The following KRT12 variants were observed in gnomAD, a reference collection of about 807,000 sequenced individuals.
The protein encoded by KRT12 is keratin 12.
A neutral mutation model predicts 50.2 loss-of-function variants in KRT12; 43 were observed. The ratio of observed to expected loss-of-function variants is 0.86; its 90% confidence interval spans 0.67 to 1.11. KRT12 has a LOEUF of 1.11. KRT12 is among the 50% of genes least tolerant of loss of function. The pLI, the probability that KRT12 is intolerant of heterozygous loss-of-function variation, is 0.00. For missense variants in KRT12, 588 were observed against 625.6 expected (o/e 0.94, Z 0.64); for synonymous variants, 257 against 253.6 (o/e 1.01, Z -0.13).
In KRT12 at chr17:40,863,113, G is replaced by T; in HGVS notation, c.1316+10C>A. On this transcript the variant is annotated intron_variant, in intron 6 of 7. Transcript: ENST00000251643. This position sits in a 1 kb window ranked among gnomAD's most constrained non-coding sequence, Gnocchi z 4.2. ...CCTGAAGGTGTTTACAGCCTCCGTT[G>T]TCTGCTCACCCTTGGGCCTCCCCGT... 6.2e-7 allele frequency: 1 copy of T among 1,613,358 alleles called. No homozygotes were observed. Among genetic ancestry groups the T allele is most frequent in the Non-Finnish European group, 8.5e-7 (1 of 1,179,302 alleles).
chr17:40,864,349 C>G (rs987659028), intron 3 of KRT12, among the ~76,000 whole-genome samples: 1 of 152,120 alleles, frequency 6.6e-6, no homozygotes, highest in Non-Finnish European at 1.5e-5. Flanking sequence ...GCCAGCATCC[C>G]TTCCCTACCT....
chr17:40,863,378 A>G lies in KRT12; in HGVS notation c.1096-35T>C. The G allele has an allele frequency of 1.2e-6, 2 of 1,613,324 alleles. No individual in the cohort carries two copies. Among genetic ancestry groups the G allele is most frequent in the Non-Finnish European group, 8.5e-7 (1 of 1,179,358 alleles). On this transcript the variant is annotated intron_variant, in intron 5 of 7. Coordinates refer to ENST00000251643, the MANE Select transcript of KRT12 (RefSeq NM_000223.4). This position sits in a 1 kb window ranked among gnomAD's most constrained non-coding sequence, Gnocchi z 4.2. Reference sequence around the variant, plus strand: ...GGAGGGAAATGGCATAGAAATAACGATGGAGGGGACCGAAAAGAGGAGGGT... The same window carrying G: ...GGAGGGAAATGGCATAGAAATAACGGTGGAGGGGACCGAAAAGAGGAGGGT...
intron 1 of KRT12, 51 bp from the exon 2 acceptor site, chr17:40,866,288 T>G (rs191593567): frequency 7.2e-7 from 1 of 1,379,588 alleles, no homozygotes; most frequent in Admixed American, 1.7e-5. Context: ...AAGACTAGTA[T>G]TATACAAATA....
Position 40,863,734 on chromosome 17 carries a change from C to G in KRT12, c.938G>C (p.Arg313Pro), listed in dbSNP as rs778543318. ...AQYETIAEQNRKDAEAWFIEK... is the reference protein window; with the variant it reads ...AQYETIAEQNPKDAEAWFIEK... ...AATGAACCAGGCTTCAGCGTCCTTC[C>G]GATTCTGCTCAGCGATGGTTTCATA... Residue 313 changes from arginine (R) to proline (P), a missense_variant, in exon 4 of 8, where the codon CGG becomes CCG. Physicochemically the swap from Arg to Pro is moderately radical, Grantham distance 103. Transcript: ENST00000251643. This position sits in a 1 kb window ranked among gnomAD's most constrained non-coding sequence, Gnocchi z 4.2. The G allele has an allele frequency of 3.7e-6, 6 of 1,613,644 alleles. No homozygotes were observed. The highest frequency in any genetic ancestry group is 5.1e-6 in the Non-Finnish European group (6 of 1,180,042).
rs375825729 is a variant in KRT12, at chr17:40,866,905, A to G, written c.282T>C (p.Phe94=). The change falls in exon 1 of 8, where the codon TTT becomes TTC. Residue 94 remains phenylalanine (F), a synonymous_variant. Transcript: ENST00000251643. ...CCCCAAATCCCATCCCCAGCCCTCC[A>G]AAGCTACCTCCACCCAGGGCTCTCC... The part of the protein sequence containing the change: ...GYGRALGGGS[F]GGLGMGFGGS... 2.5e-6 allele frequency: 4 copies of G among 1,613,772 alleles called. No individual in the cohort carries two copies. The highest frequency in any genetic ancestry group is 2.2e-5 in the East Asian group (1 of 44,886).
chr17:40,866,112 A>T (rs1183849979), intron 2 of KRT12, 43 bp downstream of exon 2: 1 of 1,417,902 alleles, frequency 7.1e-7, no homozygotes, highest in Non-Finnish European at 1.0e-6. Flanking sequence ...AGGACAGAAG[A>T]CATGGTGGGA....
intron 1 of KRT12, 50 bp downstream of exon 1, chr17:40,866,570 G>T: frequency 6.8e-7 from 1 of 1,469,850 alleles, no homozygotes; most frequent in Non-Finnish European, 9.5e-7. Context: ...ACATTGTAAT[G>T]GTAAAAAGGA....
Position 40,863,225 on chromosome 17 carries a change from G to C in KRT12, c.1214C>G (p.Ala405Gly), listed in dbSNP as rs1486837175. 6.2e-7 allele frequency: 1 copy of C among 1,613,986 alleles called. No individual in the cohort carries two copies. The highest frequency in any genetic ancestry group is 1.7e-5 in the Admixed American group (1 of 60,008). The change falls in exon 6 of 8, where the codon GCA (alanine) becomes GGA (glycine). Residue 405 changes from alanine to glycine, a missense_variant. Coordinates refer to ENST00000251643, the MANE Select transcript of KRT12 (RefSeq NM_000223.4). This position sits in a 1 kb window ranked among gnomAD's most constrained non-coding sequence, Gnocchi z 4.2. ...CTGGTGGTCCACGTTCTGGCGCTCT[G>C]CGTCCGCGCGCACCTGGAGCAGCTG... ...EAQLLQVRADAERQNVDHQRL... is the reference protein window; with the variant it reads ...EAQLLQVRADGERQNVDHQRL...
Position 40,863,684 on chromosome 17 carries a change from C to T in KRT12, c.969+19G>A. 1 of 1,614,140 alleles carries T rather than the reference C, an allele frequency of 6.2e-7. No homozygotes were observed. Among genetic ancestry groups the T allele is most frequent in the Non-Finnish European group, 8.5e-7 (1 of 1,180,040 alleles). ...AGGCCTTTCTGTGAATGTATCAAAG[C>T]CTTTGTTGTTTGTGTTACCTTTTCA... On this transcript the variant is annotated intron_variant, in intron 4 of 7. Transcript: ENST00000251643. The surrounding 1 kb of genome is among the most constrained non-coding windows in gnomAD (Gnocchi z 4.2).
In KRT12 at chr17:40,866,976, C is replaced by G; in HGVS notation, c.211G>C (p.Gly71Arg). Residue 71 changes from glycine to arginine, a missense_variant, in exon 1 of 8, where the codon GGT (glycine) becomes CGT (arginine). By Grantham distance (125) the Gly-to-Arg change is moderately radical. Coordinates refer to ENST00000251643, the MANE Select transcript of KRT12 (RefSeq NM_000223.4). ...CCTGCCATGGAACTTCCGGAGCCAC[C>G]CCCAAAGCCGGAACTAGAACCAAAC... is the stretch of plus-strand genomic sequence containing the variant. ...SMFGSSSGFG[G>R]GSGSSMAGGL... 1 of 1,597,790 alleles carries G rather than the reference C, an allele frequency of 6.3e-7. No homozygotes were observed. Among genetic ancestry groups the G allele is most frequent in the Non-Finnish European group, 8.5e-7 (1 of 1,172,726 alleles).
rs1416394606 is a variant in KRT12, at chr17:40,863,198, C to G, written c.1241G>C (p.Arg414Pro). Residue 414 changes from arginine (R) to proline (P), a missense_variant, in exon 6 of 8, where the codon CGG becomes CCG. Coordinates refer to ENST00000251643, the MANE Select transcript of KRT12 (RefSeq NM_000223.4). The surrounding 1 kb of genome is among the most constrained non-coding windows in gnomAD (Gnocchi z 4.2). ...CAGGCGGGCCTTGACATTCAGCAGC[C>G]GCTGGTGGTCCACGTTCTGGCGCTC... ...DAERQNVDHQ[R>P]LLNVKARLEL... 2 of 1,613,998 alleles carry G rather than the reference C, an allele frequency of 1.2e-6. No homozygotes were observed. The highest frequency in any genetic ancestry group is 1.3e-5 in the African/African-American group (1 of 74,950).
chr17:40,863,776 T>C lies in KRT12; in HGVS notation c.896A>G (p.Asn299Ser), dbSNP rs200497999. 247 of 1,613,000 alleles carry C rather than the reference T, an allele frequency of 1.5e-4. 1 individual carries two copies. The highest frequency in any genetic ancestry group is 1.5e-3 in the South Asian group (135 of 91,032). ...GGTTTCATACTGCGCCCGCATATCA[T>C]TGAGGAGCCTGGTGAGGTCCACTCC... ...APGVDLTRLL[N>S]DMRAQYETIA... Residue 299 changes from asparagine (N) to serine (S), a missense_variant, in exon 4 of 8, where the codon AAT (asparagine) becomes AGT (serine). By Grantham distance (46) the Asn-to-Ser change is conservative (BLOSUM62 1). Coordinates refer to ENST00000251643, the MANE Select transcript of KRT12 (RefSeq NM_000223.4). The surrounding 1 kb of genome is among the most constrained non-coding windows in gnomAD (Gnocchi z 4.2).
Position 40,866,978 on chromosome 17 carries a change from C to T in KRT12, c.209G>A (p.Gly70Glu), listed in dbSNP as rs1427940484. The T allele has an allele frequency of 1.3e-6, 2 of 1,598,020 alleles. No individual in the cohort carries two copies. Among genetic ancestry groups the T allele is most frequent in the Admixed American group, 3.5e-5 (2 of 57,132 alleles). ...TGCCATGGAACTTCCGGAGCCACCC[C>T]CAAAGCCGGAACTAGAACCAAACAT... The part of the protein sequence containing the change: ...ASMFGSSSGF[G>E]GGSGSSMAGG... Residue 70 changes from glycine to glutamate, a missense_variant, in exon 1 of 8, where the codon GGG becomes GAG. Physicochemically the swap from Gly to Glu is moderately conservative, Grantham distance 98 (BLOSUM62 -2). Coordinates refer to ENST00000251643, the MANE Select transcript of KRT12 (RefSeq NM_000223.4).
Position 40,863,122 on chromosome 17 carries a change from C to T in KRT12, c.1316+1G>A, listed in dbSNP as rs1438192327. ...GTTTACAGCCTCCGTTGTCTGCTCA[C>T]CCTTGGGCCTCCCCGTCCAGCAGGC... On this transcript the variant is annotated splice_donor_variant, in intron 6 of 7. Coordinates refer to ENST00000251643, the MANE Select transcript of KRT12 (RefSeq NM_000223.4). LOFTEE classifies it high-confidence loss of function. The surrounding 1 kb of genome is among the most constrained non-coding windows in gnomAD (Gnocchi z 4.2). 6.2e-6 allele frequency: 10 copies of T among 1,613,884 alleles called. No individual in the cohort carries two copies. The highest frequency in any genetic ancestry group is 8.5e-6 in the Non-Finnish European group (10 of 1,179,884).
At position 40,863,552 on chromosome 17, in the gene KRT12, C is replaced by A. The variant is rs1906886292; in HGVS notation, c.1028G>T (p.Ser343Ile). 2 of 1,614,148 alleles carry A rather than the reference C, an allele frequency of 1.2e-6. No individual in the cohort carries two copies. The highest frequency in any genetic ancestry group is 3.3e-5 in the Admixed American group (2 of 60,006). The change falls in exon 5 of 8, where the codon AGC becomes ATC. Residue 343 changes from serine (S) to isoleucine (I), a missense_variant. Coordinates refer to ENST00000251643, the MANE Select transcript of KRT12 (RefSeq NM_000223.4). This position sits in a 1 kb window ranked among gnomAD's most constrained non-coding sequence, Gnocchi z 4.2. ...TNTEQLQSSK[S>I]EVTDLRRAFQ... ...GGCGCGACGCAGGTCGGTGACCTCG[C>A]TCTTGCTGGACTGAAGCTGCTCGGT... is the stretch of plus-strand genomic sequence containing the variant.
Position 40,866,845 on chromosome 17 carries a change from C to G in KRT12, c.342G>C (p.Ser114=), listed in dbSNP as rs938238185. 7.4e-6 allele frequency: 12 copies of G among 1,613,990 alleles called. No homozygotes were observed. Among genetic ancestry groups the G allele is most frequent in the Non-Finnish European group, 3.4e-6 (4 of 1,180,026 alleles). Residue 114 remains serine (S), a synonymous_variant, in exon 1 of 8, where the codon TCG becomes TCC. Coordinates refer to ENST00000251643, the MANE Select transcript of KRT12 (RefSeq NM_000223.4). ...CAGAAAGAAGGCCTCCATCATTGCC[C>G]GAGAGAATACCTAGAGAGCCACCTC... ...SPGGGSLGIL[S]GNDGGLLSGS...
intron 3 of KRT12, 43 bp downstream of exon 3, chr17:40,864,763 G>GAA (rs11422105): frequency 0.011 from 16,243 of 1,417,172 alleles, no homozygotes; most frequent in African/African-American, 0.017. Flanking sequence ...GGGTCTGGGA[G>GAA]AAAAAAAAAA....
intron 1 of KRT12, 92 bp downstream of exon 1, chr17:40,866,528 A>T (rs747019469): frequency 2.6e-6 from 3 of 1,156,494 alleles, no homozygotes; most frequent in East Asian, 2.3e-5. Flanking sequence ...AAATTGGAAA[A>T]TATCAAAGTT....
chr17:40,866,133 A>G (rs769040890), intron 2 of KRT12, 22 bp downstream of exon 2: 2 of 1,578,712 alleles, frequency 1.3e-6, no homozygotes, highest in Admixed American at 1.7e-5. Flanking sequence ...CACGCCCATG[A>G]TCTTCAGTTT....
Sources: allele counts gnomAD v4.1 joint callset (sites outside exome capture counted in the v4.1 genomes callset), GRCh38; gene constraint gnomAD v4.1.1; non-coding constraint Gnocchi (gnomAD v3.1); transcripts MANE v1.5; gene names NCBI Gene and HGNC (gene_info 2026-07-23, HGNC 2026-07-21).